The following LRP2 variants were observed in gnomAD, a reference collection of about 807,000 sequenced individuals.
LRP2 encodes the protein LDL receptor related protein 2.
In LRP2, 172 loss-of-function variants were observed where a neutral mutation model predicts 531.0. The observed-to-expected ratio is 0.32, with a 90% CI of 0.29 to 0.37. The LOEUF is 0.37. Ranked by LOEUF, LRP2 falls within the 10% of genes least tolerant of loss-of-function variation. The pLI is 1.00. For synonymous variants in LRP2, 1,992 were observed against 2,027.6 expected (o/e 0.98, Z 0.47); for missense variants, 5,167 against 5,868.3 (o/e 0.88, Z 3.90).
intron 65 of LRP2, among the ~76,000 whole-genome samples, chr2:169,155,167 C>T (rs1232366621): frequency 1.3e-5 from 2 of 152,190 alleles, no homozygotes; most frequent in Non-Finnish European, 2.9e-5. Context: ...TTAATGGTGA[C>T]TCATCCCAAG....
Position 169,188,055 on chromosome 2 carries a change from C to G in LRP2, c.9243G>C (p.Lys3081Asn). ...TCTCGATGCAGCGCCCATTGTCACA[C>G]TTGAACTCGTGAGGTGGACACGTGG... ...PEPTCPPHEF[K>N]CDNGRCIEMM... is the part of the protein sequence containing the mutation. The change falls in exon 49 of 79, where the codon AAG becomes AAC. Residue 3081 changes from lysine to asparagine, a missense_variant. Coordinates refer to ENST00000649046, the MANE Select transcript of LRP2 (RefSeq NM_004525.3). The G allele has an allele frequency of 5.0e-6, 8 of 1,614,110 alleles. No individual in the cohort carries two copies. Among genetic ancestry groups the G allele is most frequent in the South Asian group, 4.4e-5 (4 of 91,076 alleles).
At chr2:169,320,552 A>C (rs2105515773) in intron 2 of LRP2, among the ~76,000 whole-genome samples, 1 of 152,352 alleles carries the variant, frequency 6.6e-6, no homozygotes, top group Non-Finnish European at 1.5e-5. Flanking sequence ...TGAGATAGAA[A>C]CTGATGCTCT....
chr2:169,309,302 T>C (rs991975451), intron 3 of LRP2, among the ~76,000 whole-genome samples: 5 of 152,210 alleles, frequency 3.3e-5, no homozygotes, highest in East Asian at 1.9e-4. Context: ...CTTGCCCATG[T>C]CTATGTCCTG....
At chr2:169,230,372 T>C (rs936508847) in intron 31 of LRP2, among the ~76,000 whole-genome samples, 2 of 152,252 alleles carry the variant, frequency 1.3e-5, no homozygotes, top group African/African-American at 4.8e-5. Flanking sequence ...TTAAAATCTT[T>C]CATCATGAAA....
rs762415291 is a variant in LRP2, at chr2:169,197,020, C to T, written c.8589G>A (p.Thr2863=). ...CGCATTGGAACTCACTGCTGCTGCA[C>T]GTGTGAGTGGCTGCAGGAGGGAAAG... ...DENPTYCTTH[T]CSSSEFQCAS... The change falls in exon 46 of 79, where the codon ACG becomes ACA. Residue 2863 remains threonine, a synonymous_variant. Coordinates refer to ENST00000649046, the MANE Select transcript of LRP2 (RefSeq NM_004525.3). 17 of 1,613,794 alleles carry T rather than the reference C, an allele frequency of 1.1e-5. No individual in the cohort carries two copies. The highest frequency in any genetic ancestry group is 5.3e-5 in the African/African-American group (4 of 74,930).
chr2:169,307,217 T>A, intron 4 of LRP2, 64 bp downstream of exon 4: 1 of 1,083,156 alleles, frequency 9.2e-7, no homozygotes, highest in Admixed American at 1.7e-5. Flanking sequence ...TCTAACAAAT[T>A]GATTAAAATG....
At chr2:169,209,730 A>G (rs927679526) in intron 37 of LRP2, 89 bp from the exon 38 acceptor site, 1 of 1,243,756 alleles carries the variant, frequency 8.0e-7, no homozygotes, top group Non-Finnish European at 1.2e-6. Flanking sequence ...CCTCATTCCC[A>G]ACCCCCTGCT....
chr2:169,247,340 A>G (rs1559038983), intron 20 of LRP2, 38 bp downstream of exon 20: 2 of 1,611,088 alleles, frequency 1.2e-6, no homozygotes. Context: ...AAATAAACCC[A>G]TACAAAAAAA....
At position 169,239,487 on chromosome 2, in the gene LRP2, G is replaced by A; in HGVS notation, c.4294+40C>T. Reference sequence around the variant, plus strand: ...TGTGCCATTTGATTTTAAGCTCTGGGATGTGCTGATAAACTGGCTCGGGTT... The same window carrying A: ...TGTGCCATTTGATTTTAAGCTCTGGAATGTGCTGATAAACTGGCTCGGGTT... On this transcript the variant is annotated intron_variant, in intron 26 of 78. Transcript: ENST00000649046. The A allele has an allele frequency of 2.5e-6, 4 of 1,613,754 alleles. 1 individual carries two copies. The South Asian group carries it at 4.4e-5, about 18-fold the overall frequency.
chr2:169,139,452 T>C lies in LRP2; in HGVS notation c.13268-81A>G, dbSNP rs550083932. 9.8e-4 allele frequency: 1,578 copies of C among 1,613,284 alleles called. 1 individual carries two copies. Among genetic ancestry groups the C allele is most frequent in the Non-Finnish European group, 1.3e-3 (1,492 of 1,179,200 alleles). On this transcript the variant is annotated intron_variant, in intron 73 of 78. Transcript: ENST00000649046. ...AGAAACTGGGGGCTAGAACCACTCC[T>C]TCAAAGACTGGGTTAAGTAGAAAAG...
chr2:169,140,413 A>G, intron 72 of LRP2, 42 bp downstream of exon 72: 1 of 1,510,610 alleles, frequency 6.6e-7, no homozygotes, highest in South Asian at 1.1e-5. Flanking sequence ...TTTCCCCAGA[A>G]GAGGCAAGGC....
intron 1 of LRP2, among the ~76,000 whole-genome samples, chr2:169,347,227 G>A (rs1292375391): frequency 6.6e-6 from 1 of 152,164 alleles, no homozygotes; most frequent in African/African-American, 2.4e-5. Flanking sequence ...AGTTTCAGGA[G>A]GAAAGAATGT....
At chr2:169,298,394 G>C (rs1684187732) in intron 4 of LRP2, among the ~76,000 whole-genome samples, 1 of 152,004 alleles carries the variant, frequency 6.6e-6, no homozygotes, top group African/African-American at 2.4e-5. Flanking sequence ...TTTGAAAAAG[G>C]TCACATAACT....
chr2:169,156,427 A>G (rs1558983775), intron 64 of LRP2, 22 bp from the exon 65 acceptor site: 1 of 1,613,010 alleles, frequency 6.2e-7, no homozygotes, highest in Non-Finnish European at 8.5e-7. Context: ...ATAAAACCAA[A>G]TACGCAACAT....
chr2:169,260,575 G>C (rs1337018820), intron 16 of LRP2, among the ~76,000 whole-genome samples: 1 of 152,032 alleles, frequency 6.6e-6, no homozygotes, highest in East Asian at 1.9e-4. Context: ...GTATCCAAAA[G>C]GCAGCTGGCA....
chr2:169,193,846 A>T lies in LRP2; in HGVS notation c.8745T>A (p.Gly2915=), dbSNP rs1245452241. Residue 2915 remains glycine, a synonymous_variant, in exon 47 of 79, where the codon GGT becomes GGA. Transcript: ENST00000649046. ...TCLADEFKCD[G]GRCIPSEWIC... ...TCCATTCGCTTGGGATGCACCTCCC[A>T]CCATCACACTTGAACTCATCAGCTA... is the stretch of plus-strand genomic sequence containing the variant. 6 of 1,614,040 alleles carry T rather than the reference A, an allele frequency of 3.7e-6. No homozygotes were observed. The highest frequency in any genetic ancestry group is 4.2e-6 in the Non-Finnish European group (5 of 1,180,028).
At chr2:169,330,064 G>A (rs1053361782) in intron 1 of LRP2, among the ~76,000 whole-genome samples, 7 of 152,306 alleles carry the variant, frequency 4.6e-5, no homozygotes, top group African/African-American at 1.4e-4. Flanking sequence ...AGGTGAAACA[G>A]TGTCATCCCG....
In LRP2 at chr2:169,225,142, G is replaced by T. The variant is rs540587526; in HGVS notation, c.5538+168C>A. ...ATAAATTTAAAAAAAATTTTAAGGTGGTTTTCCTCTTTCACTTCAGAGACT... is the reference window on the plus strand; with the variant it reads ...ATAAATTTAAAAAAAATTTTAAGGTTGTTTTCCTCTTTCACTTCAGAGACT... On this transcript the variant is annotated intron_variant, in intron 33 of 78. Coordinates refer to ENST00000649046, the MANE Select transcript of LRP2 (RefSeq NM_004525.3). Among the ~76,000 whole-genome samples the T allele has an allele frequency of 3.3e-5, 5 of 151,832 alleles. No individual in the cohort carries two copies. The South Asian group carries it at 6.3e-4, about 19-fold the overall frequency.
At chr2:169,291,418 T>C (rs1050017873) in intron 7 of LRP2, among the ~76,000 whole-genome samples, 1 of 152,192 alleles carries the variant, frequency 6.6e-6, no homozygotes, top group African/African-American at 2.4e-5. Context: ...ATGTCAACAG[T>C]ATAAGAAAAA....
Sources: allele counts gnomAD v4.1 joint callset (sites outside exome capture counted in the v4.1 genomes callset), GRCh38; gene constraint gnomAD v4.1.1; transcripts MANE v1.5; gene names NCBI Gene and HGNC (gene_info 2026-07-23, HGNC 2026-07-21).